CPXM2: variants seen among roughly 807,000 people sequenced by gnomAD.
The protein encoded by CPXM2 is inactive carboxypeptidase-like protein X2.
Under a neutral mutation model 86.1 loss-of-function variants are expected in CPXM2, and 66 were observed. The ratio of observed to expected loss-of-function variants is 0.77; its 90% CI spans 0.63 to 0.94. The LOEUF (loss-of-function observed/expected upper bound fraction) is 0.94. CPXM2 is among the 40% of genes least tolerant of loss of function. The pLI is 0.00. For missense variants in CPXM2, 948 were observed against 1,026.3 expected (o/e 0.92, Z 1.04); for synonymous variants, 388 against 400.2 (o/e 0.97, Z 0.36).
chr10:123,816,874 T>C (rs1847824260), intron 4 of CPXM2, among the ~76,000 whole-genome samples: 1 of 152,234 alleles, frequency 6.6e-6, no homozygotes, highest in Non-Finnish European at 1.5e-5. Flanking sequence ...ATTGATGACA[T>C]GACACTGATT....
At chr10:123,875,807 C>CTTTTTTTTTTTTT (rs780970130) in intron 2 of CPXM2, among the ~76,000 whole-genome samples, 21 of 84,660 alleles carry the variant, frequency 2.5e-4, no homozygotes, top group South Asian at 7.9e-4. Context: ...TCTTTTCTTT[C>CTTTTTTTTTTTTT]TTTTTTTTTT....
At chr10:123,877,090 C>G (rs1288838065) in intron 2 of CPXM2, among the ~76,000 whole-genome samples, 1 of 152,166 alleles carries the variant, frequency 6.6e-6, no homozygotes, top group Non-Finnish European at 1.5e-5. Flanking sequence ...AAAACAAGCC[C>G]TCATCTGGCT....
chr10:123,919,745 A>G (rs1039976600), intron 2 of CPXM2, among the ~76,000 whole-genome samples: 5 of 152,228 alleles, frequency 3.3e-5, no homozygotes, highest in Non-Finnish European at 7.3e-5. Context: ...GGTAATTTAT[A>G]AAGAAAAGAG....
intron 2 of CPXM2, among the ~76,000 whole-genome samples, chr10:123,897,979 C>G (rs1945351604): frequency 6.6e-6 from 1 of 152,144 alleles, no homozygotes; most frequent in Admixed American, 6.5e-5. Flanking sequence ...TGCAGTTGGT[C>G]CACACACTCT....
chr10:123,756,996 A>G (rs551871252), intron 12 of CPXM2, among the ~76,000 whole-genome samples: 1 of 152,266 alleles, frequency 6.6e-6, no homozygotes, highest in South Asian at 2.1e-4. Flanking sequence ...ACCAGTCCCA[A>G]TTGCTCCAGG....
Position 123,746,906 on chromosome 10 carries a change from C to T in CPXM2, c.2129G>A (p.Gly710Glu), listed in dbSNP as rs761337276. ...TKNCMVGYDM[G>E]ATRCDFTLSK... is the part of the protein sequence containing the mutation. ...AAGTGTGAAGTCACACCTTGTGGCC[C>T]CCATGTCATAGCCAACCATACAGTT... Residue 710 changes from glycine (G) to glutamate (E), a missense_variant, in exon 14 of 14, where the codon GGG becomes GAG. Physicochemically the swap from Gly to Glu is moderately conservative, Grantham distance 98. Transcript: ENST00000241305. 2.0e-5 allele frequency: 32 copies of T among 1,614,034 alleles called. No individual in the cohort carries two copies. Among genetic ancestry groups the T allele is most frequent in the Non-Finnish European group, 2.1e-5 (25 of 1,180,030 alleles).
intron 2 of CPXM2, among the ~76,000 whole-genome samples, chr10:123,868,294 C>G (rs113538606): frequency 6.6e-6 from 1 of 152,238 alleles, no homozygotes; most frequent in African/African-American, 2.4e-5. Flanking sequence ...GTCTTTGGAC[C>G]CCAGCCACCA....
chr10:123,933,792 G>T (rs568127124), intron 2 of CPXM2, among the ~76,000 whole-genome samples: 1 of 151,668 alleles, frequency 6.6e-6, no homozygotes, highest in African/African-American at 2.4e-5. Context: ...TCCCCACCCC[G>T]GGCAGGCCAC....
chr10:123,900,321 C>T (rs1166751444), intron 2 of CPXM2, among the ~76,000 whole-genome samples: 1 of 152,130 alleles, frequency 6.6e-6, no homozygotes, highest in East Asian at 1.9e-4. Flanking sequence ...GGATTACAGG[C>T]ATGAGCCACC....
intron 6 of CPXM2, among the ~76,000 whole-genome samples, chr10:123,787,331 C>G (rs541060841): frequency 5.0e-4 from 76 of 152,274 alleles, no homozygotes; most frequent in African/African-American, 1.7e-3. Flanking sequence ...AGCACCCACA[C>G]CAGCCACAGC....
intron 13 of CPXM2, chr10:123,752,340 A>G: frequency 1.0e-6 from 1 of 985,058 alleles, no homozygotes. Context: ...CATGGCTATA[A>G]GATCAGTGAC....
intron 3 of CPXM2, among the ~76,000 whole-genome samples, chr10:123,848,163 C>T (rs543431265): frequency 4.6e-5 from 7 of 152,260 alleles, no homozygotes; most frequent in East Asian, 3.9e-4. Context: ...ATCTAAAAAA[C>T]GTTAGCTGTG....
At chr10:123,877,409 A>C (rs1460350584) in intron 2 of CPXM2, among the ~76,000 whole-genome samples, 1 of 152,208 alleles carries the variant, frequency 6.6e-6, no homozygotes, top group Non-Finnish European at 1.5e-5. Context: ...ATTTACTTTC[A>C]GGTGTCTGTA....
intron 4 of CPXM2, among the ~76,000 whole-genome samples, chr10:123,817,403 A>G (rs188797072): frequency 2.0e-4 from 30 of 152,324 alleles, no homozygotes; most frequent in African/African-American, 5.3e-4. Context: ...AGGCCCTGCC[A>G]TCTTCTGCAA....
At chr10:123,802,906 T>C (rs1188368723) in intron 4 of CPXM2, among the ~76,000 whole-genome samples, 1 of 152,182 alleles carries the variant, frequency 6.6e-6, no homozygotes, top group African/African-American at 2.4e-5. Flanking sequence ...TGGTGACTAA[T>C]GAAGTTCGAT....
At chr10:123,795,760 T>C (rs1050698087) in intron 6 of CPXM2, among the ~76,000 whole-genome samples, 1 of 152,122 alleles carries the variant, frequency 6.6e-6, no homozygotes, top group South Asian at 2.1e-4. Flanking sequence ...TCTGAGTCCA[T>C]ACATGAATTC....
At chr10:123,803,518 T>C (rs1847508846) in intron 4 of CPXM2, among the ~76,000 whole-genome samples, 2 of 152,206 alleles carry the variant, frequency 1.3e-5, no homozygotes, top group Non-Finnish European at 2.9e-5. Flanking sequence ...TTTTGCCTAC[T>C]CCAAGATGAT....
intron 6 of CPXM2, among the ~76,000 whole-genome samples, chr10:123,786,549 A>G (rs1847060891): frequency 6.6e-6 from 1 of 152,224 alleles, no homozygotes; most frequent in Admixed American, 6.5e-5. Context: ...AGAAATAAAA[A>G]TAAAATTCTA....
At chr10:123,815,157 T>A (rs1390000974) in intron 4 of CPXM2, among the ~76,000 whole-genome samples, 1 of 152,228 alleles carries the variant, frequency 6.6e-6, no homozygotes, top group East Asian at 1.9e-4. Context: ...ACATAATGAA[T>A]CTGCTTGGTT....
Sources: gnomAD v4.1 joint callset for allele counts (sites outside exome capture counted in the v4.1 genomes callset) on GRCh38, gnomAD v4.1.1 for gene constraint, MANE v1.5 for transcripts, NCBI Gene and HGNC (gene_info 2026-07-23, HGNC 2026-07-21) for gene names.